Variants in FARSB observed in about 807,000 individuals in gnomAD.
The protein encoded by FARSB is phenylalanine--tRNA ligase beta subunit.
FARSB carries 40 observed loss-of-function variants against 69.6 expected under a neutral mutation model. The ratio of observed to expected loss-of-function variants is 0.57; its 90% CI spans 0.45 to 0.75. FARSB has a LOEUF of 0.75. Among genes scored for constraint, FARSB ranks in the 30% least tolerant of loss-of-function variants. The pLI is 0.00. For missense variants in FARSB, 632 were observed against 722.9 expected (o/e 0.87, Z 1.44); for synonymous variants, 235 against 247.2 (o/e 0.95, Z 0.46).
Position 222,633,266 on chromosome 2 carries a change from G to A in FARSB, c.648C>T (p.Asn216=). The part of the protein sequence containing the change: ...HLKHYLHIIE[N]KPLYPVIYDS... The stretch of plus-strand genomic sequence containing the variant: ...CATAGATAACTGGATACAGGGGTTT[G>A]TTTTCAATGATATGTAAATAATGTT... Residue 216 remains asparagine (N), a synonymous_variant, in exon 7 of 17, where the codon AAC becomes AAT. Coordinates refer to ENST00000281828, the MANE Select transcript of FARSB (RefSeq NM_005687.5). 6.4e-7 allele frequency: 1 copy of A among 1,573,370 alleles called. No homozygotes were observed. The highest frequency in any genetic ancestry group is 8.7e-7 in the Non-Finnish European group (1 of 1,154,866).
intron 16 of FARSB, among the ~76,000 whole-genome samples, chr2:222,582,873 C>A (rs527568241): frequency 6.6e-6 from 1 of 150,598 alleles, no homozygotes; most frequent in Non-Finnish European, 1.5e-5. Flanking sequence ...TGCAGTGAGC[C>A]GAGATCACGC....
intron 15 of FARSB, among the ~76,000 whole-genome samples, chr2:222,607,832 T>C (rs568275838): frequency 6.6e-6 from 1 of 152,198 alleles, no homozygotes; most frequent in East Asian, 1.9e-4. Flanking sequence ...CTTTTTAAAA[T>C]AGTGCTGAAA....
At chr2:222,611,450 G>A (rs1327976541) in intron 15 of FARSB, among the ~76,000 whole-genome samples, 1 of 134,948 alleles carries the variant, frequency 7.4e-6, no homozygotes, top group East Asian at 2.7e-4. Context: ...TGGGGGGGCG[G>A]GGGGGCGCGT....
rs1198166524 is a variant in FARSB at position 222,571,490 on chromosome 2, T to C, written c.*381A>G. 6.4e-6 allele frequency: 1 copy of C among 156,250 alleles called. No individual in the cohort carries two copies. Among genetic ancestry groups the C allele is most frequent in the Non-Finnish European group, 1.4e-5 (1 of 71,300 alleles). The allele number at this position is 156,250 out of a possible 1,614,324, so 9.7% of individuals were successfully genotyped here. On this transcript the variant is annotated 3_prime_UTR_variant, in exon 17 of 17. Coordinates refer to ENST00000281828, the MANE Select transcript of FARSB (RefSeq NM_005687.5). ...CGAACTCATGCAACATGAATTCTCATCGATTATCTTGTTTTATCAATAAGG... is the reference window on the plus strand; with the variant it reads ...CGAACTCATGCAACATGAATTCTCACCGATTATCTTGTTTTATCAATAAGG...
chr2:222,571,714 A>C lies in FARSB; in HGVS notation c.*157T>G. 1 of 625,570 alleles carries C rather than the reference A, an allele frequency of 1.6e-6. No homozygotes were observed. The highest frequency in any genetic ancestry group is 2.2e-5 in the South Asian group (1 of 45,512). The allele number at this position is 625,570 out of a possible 1,614,324, so 38.8% of individuals were successfully genotyped here. A position where few individuals can be genotyped will look rare whatever the true frequency, so the allele number is the denominator to read the frequency against. Reference sequence around the variant, plus strand: ...TATGGCACAAGCTGGCCTAATATGCAGGGAAAGGATGGTCTCTACCCACAC... The same window carrying C: ...TATGGCACAAGCTGGCCTAATATGCCGGGAAAGGATGGTCTCTACCCACAC... On this transcript the variant is annotated 3_prime_UTR_variant, in exon 17 of 17. Coordinates refer to ENST00000281828, the MANE Select transcript of FARSB (RefSeq NM_005687.5).
rs183361509 is a variant in FARSB, at chr2:222,647,382, T to C, written c.114+1358A>G. Reference sequence around the variant, plus strand: ...TTTATTTTAGCAAGGCCTAGCTCTCTAGAGCTCAAGACCCACTATGCAGTG... The same window carrying C: ...TTTATTTTAGCAAGGCCTAGCTCTCCAGAGCTCAAGACCCACTATGCAGTG... On this transcript the variant is annotated intron_variant, in intron 2 of 16. Coordinates refer to ENST00000281828, the MANE Select transcript of FARSB (RefSeq NM_005687.5). Among the ~76,000 whole-genome samples, 130 of 152,316 alleles carry C rather than the reference T, an allele frequency of 8.5e-4. 1 individual carries two copies. Among genetic ancestry groups the C allele is most frequent in the South Asian group, 5.0e-3 (24 of 4,820 alleles).
At chr2:222,609,219 A>C (rs1489354964) in intron 15 of FARSB, among the ~76,000 whole-genome samples, 1 of 152,220 alleles carries the variant, frequency 6.6e-6, no homozygotes, top group African/African-American at 2.4e-5. Flanking sequence ...AAAAAGCCTG[A>C]ATATTGGATT....
chr2:222,610,956 T>G (rs1228180065), intron 15 of FARSB, among the ~76,000 whole-genome samples: 2 of 152,138 alleles, frequency 1.3e-5, no homozygotes, highest in Non-Finnish European at 2.9e-5. Context: ...CTTTGCTGCC[T>G]CCCCTGTTGT....
At chr2:222,619,096 C>G (rs1172600556) in intron 14 of FARSB, among the ~76,000 whole-genome samples, 1 of 151,586 alleles carries the variant, frequency 6.6e-6, no homozygotes, top group Non-Finnish European at 1.5e-5. Flanking sequence ...GAGCCGAGAT[C>G]CCGCCACTGC....
intron 15 of FARSB, among the ~76,000 whole-genome samples, chr2:222,606,620 A>G (rs115625602): frequency 2.9e-4 from 44 of 152,354 alleles, no homozygotes; most frequent in African/African-American, 9.9e-4. Context: ...CTACAATTCT[A>G]TAAGATGAAA....
intron 16 of FARSB, among the ~76,000 whole-genome samples, chr2:222,588,491 G>C (rs1347593594): frequency 8.5e-5 from 13 of 152,170 alleles, no homozygotes; most frequent in Non-Finnish European, 1.8e-4. Context: ...ATTCAACATA[G>C]TGTTGGAAGT....
chr2:222,646,595 G>A (rs1691865206), intron 2 of FARSB, among the ~76,000 whole-genome samples: 1 of 152,150 alleles, frequency 6.6e-6, no homozygotes, highest in South Asian at 2.1e-4. Flanking sequence ...TTCCAGTTCT[G>A]ACTTCACATA....
chr2:222,572,463 C>T (rs1054558297), intron 16 of FARSB, among the ~76,000 whole-genome samples: 1 of 152,152 alleles, frequency 6.6e-6, no homozygotes, highest in Admixed American at 6.5e-5. Flanking sequence ...GATAAGACAT[C>T]GACACTGAAT....
intron 4 of FARSB, among the ~76,000 whole-genome samples, 181 bp downstream of exon 4, chr2:222,640,681 G>A (rs1484255632): frequency 6.6e-6 from 1 of 152,090 alleles, no homozygotes; most frequent in South Asian, 2.1e-4. Flanking sequence ...ACTTGAGCCT[G>A]GGAAGCAGAG....
chr2:222,594,302 T>G (rs1017061672), intron 16 of FARSB, among the ~76,000 whole-genome samples: 2 of 152,110 alleles, frequency 1.3e-5, no homozygotes, highest in Non-Finnish European at 2.9e-5. Context: ...TTATAATTTT[T>G]TATTACTATT....
At chr2:222,651,627 G>A (rs1369633649) in intron 1 of FARSB, among the ~76,000 whole-genome samples, 2 of 152,206 alleles carry the variant, frequency 1.3e-5, no homozygotes, top group African/African-American at 4.8e-5. Flanking sequence ...TAAGAGCACT[G>A]TTATCAGCAG....
chr2:222,625,327 T>C (rs2106220542), intron 10 of FARSB, among the ~76,000 whole-genome samples: 2 of 152,362 alleles, frequency 1.3e-5, no homozygotes, highest in African/African-American at 4.8e-5. Flanking sequence ...CACACACACA[T>C]AAATCCCAGG....
In FARSB at chr2:222,567,258, G is replaced by A. The variant is rs1183162157; in HGVS notation, c.*4613C>T. On this transcript the variant is annotated 3_prime_UTR_variant, in exon 17 of 17. Transcript: ENST00000281828. ...TTCAGTCCATAATAATATACATAAAGTTATTCAAGGCCCTAATAACATAAT... is the reference window on the plus strand; with the variant it reads ...TTCAGTCCATAATAATATACATAAAATTATTCAAGGCCCTAATAACATAAT... 6.6e-6 allele frequency: 1 copy of A among 152,180 alleles called. No individual in the cohort carries two copies. The highest frequency in any genetic ancestry group is 2.4e-5 in the African/African-American group (1 of 41,428). The allele number at this position is 152,180 out of a possible 1,614,324, so 9.4% of individuals were successfully genotyped here. A position where few individuals can be genotyped will look rare whatever the true frequency, so the allele number is the denominator to read the frequency against.
chr2:222,583,754 T>C (rs779173203), intron 16 of FARSB, among the ~76,000 whole-genome samples: 14 of 151,496 alleles, frequency 9.2e-5, no homozygotes, highest in Middle Eastern at 3.4e-3. Flanking sequence ...AATTGAGACA[T>C]AGAGGCAGTT....
Sources: allele counts gnomAD v4.1 joint callset (sites outside exome capture counted in the v4.1 genomes callset), GRCh38; gene constraint gnomAD v4.1.1; transcripts MANE v1.5; gene names NCBI Gene and HGNC (gene_info 2026-07-23, HGNC 2026-07-21).